Variants in KCNIP4 observed in about 807,000 individuals in gnomAD.
The protein encoded by KCNIP4 is Kv channel-interacting protein 4.
KCNIP4 carries 12 observed loss-of-function variants against 34.0 expected under a neutral mutation model. That is an observed-to-expected ratio of 0.35 (90% CI 0.23 to 0.57). The LOEUF is 0.57. Ranked by LOEUF, KCNIP4 falls within the 20% of genes least tolerant of loss-of-function variation. The pLI is 0.83. For missense variants in KCNIP4, 238 were observed against 311.7 expected, an observed-to-expected ratio of 0.76 and a Z score of 1.78; for synonymous variants, 124 against 102.2, an observed-to-expected ratio of 1.21 and a Z score of -1.29.
At chr4:21,601,780 G>C (rs375415981) in intron 1 of KCNIP4, among the ~76,000 whole-genome samples, 19 of 152,014 alleles carry the variant, frequency 1.2e-4, no homozygotes, top group East Asian at 7.7e-4. Context: ...TCTGCTTTAG[G>C]AACTTTGCTC....
intron 1 of KCNIP4, among the ~76,000 whole-genome samples, chr4:21,473,478 TA>T: frequency 1.3e-5 from 2 of 152,290 alleles, no homozygotes; most frequent in African/African-American, 4.8e-5. Context: ...TTTCTGATGG[TA>T]AAAGAGTTTT....
chr4:21,343,353 TAAG>T (rs1260034707), intron 1 of KCNIP4, among the ~76,000 whole-genome samples: 4 of 151,774 alleles, frequency 2.6e-5, no homozygotes, highest in Non-Finnish European at 5.9e-5. Flanking sequence ...AGAAAAAAAA[TAAG>T]AAAAAGTGAG....
At chr4:21,007,739 G>C (rs918175457) in intron 1 of KCNIP4, among the ~76,000 whole-genome samples, 1 of 152,166 alleles carries the variant, frequency 6.6e-6, no homozygotes, top group African/African-American at 2.4e-5. Context: ...GAAAACAATG[G>C]CGCCAAAGGG....
At chr4:21,602,968 T>C (rs1389274140) in intron 1 of KCNIP4, among the ~76,000 whole-genome samples, 3 of 152,204 alleles carry the variant, frequency 2.0e-5, no homozygotes, top group African/African-American at 7.2e-5. Context: ...CCTATAAATG[T>C]TAAGTATTTG....
chr4:21,627,139 G>T (rs541637902), intron 1 of KCNIP4, among the ~76,000 whole-genome samples: 1 of 152,000 alleles, frequency 6.6e-6, no homozygotes, highest in Admixed American at 6.6e-5. Flanking sequence ...TGCAAAATTT[G>T]TGTGTAGATT....
At chr4:21,715,988 G>T (rs935966070) in intron 1 of KCNIP4, among the ~76,000 whole-genome samples, 5 of 152,232 alleles carry the variant, frequency 3.3e-5, no homozygotes, top group South Asian at 4.1e-4. Flanking sequence ...ATTTCTTCAA[G>T]ATCAACATTA....
At chr4:21,591,518 G>A (rs1406289304) in intron 1 of KCNIP4, among the ~76,000 whole-genome samples, 1 of 151,768 alleles carries the variant, frequency 6.6e-6, no homozygotes, top group Non-Finnish European at 1.5e-5. Flanking sequence ...GCAAATTTGT[G>A]GTGTCTAAAT....
At chr4:21,558,513 T>TAAATAAATAAATAAATAAATAA (rs1560515597) in intron 1 of KCNIP4, among the ~76,000 whole-genome samples, 2 of 151,418 alleles carry the variant, frequency 1.3e-5, no homozygotes, top group Non-Finnish European at 2.9e-5. Flanking sequence ...AATAAATAAA[T>TAAATAAATAAATAAATAAATAA]ATATAAATAA....
At chr4:21,375,983 C>A (rs538037859) in intron 1 of KCNIP4, among the ~76,000 whole-genome samples, 2 of 152,226 alleles carry the variant, frequency 1.3e-5, no homozygotes, top group East Asian at 1.9e-4. Flanking sequence ...AGAAACACAC[C>A]AGGAATCAAG....
At chr4:20,907,680 G>T (rs903449271) in intron 1 of KCNIP4, among the ~76,000 whole-genome samples, 2 of 152,076 alleles carry the variant, frequency 1.3e-5, no homozygotes, top group Admixed American at 6.6e-5. Flanking sequence ...ATTTACTTTG[G>T]TTTTTTGATT....
chr4:21,042,833 G>A (rs540483692), intron 1 of KCNIP4, among the ~76,000 whole-genome samples: 41 of 152,056 alleles, frequency 2.7e-4, no homozygotes, highest in Non-Finnish European at 5.0e-4. Flanking sequence ...GCAAAAGGAA[G>A]GTGAGAATGT....
At chr4:21,364,555 G>T (rs1290388617) in intron 1 of KCNIP4, among the ~76,000 whole-genome samples, 1 of 152,028 alleles carries the variant, frequency 6.6e-6, no homozygotes, top group East Asian at 1.9e-4. Flanking sequence ...AAGGACCTCA[G>T]TTAGGATAGT....
intron 1 of KCNIP4, among the ~76,000 whole-genome samples, chr4:21,129,865 T>G (rs928399694): frequency 6.7e-6 from 1 of 149,048 alleles, no homozygotes; most frequent in Non-Finnish European, 1.5e-5. Flanking sequence ...TGAGATAATG[T>G]AACCAGTGTT....
At chr4:20,757,908 T>C (rs545470236) in intron 4 of KCNIP4, among the ~76,000 whole-genome samples, 2 of 152,326 alleles carry the variant, frequency 1.3e-5, no homozygotes, top group East Asian at 1.9e-4. Flanking sequence ...ATGTCCTCTC[T>C]GTCCTGCAGC....
At chr4:21,576,677 T>C (rs1740760370) in intron 1 of KCNIP4, among the ~76,000 whole-genome samples, 1 of 152,156 alleles carries the variant, frequency 6.6e-6, no homozygotes. Flanking sequence ...GTAATTTAAA[T>C]TATTCCTTTT....
At chr4:21,525,423 A>T (rs1432554970) in intron 1 of KCNIP4, among the ~76,000 whole-genome samples, 2 of 152,144 alleles carry the variant, frequency 1.3e-5, no homozygotes, top group Non-Finnish European at 2.9e-5. Context: ...TATGAACTCA[A>T]ATGTGAAGAG....
chr4:21,698,804 A>G (rs1292261213), intron 1 of KCNIP4, among the ~76,000 whole-genome samples: 2 of 152,152 alleles, frequency 1.3e-5, no homozygotes, highest in Non-Finnish European at 2.9e-5. Flanking sequence ...TCCCAACAGT[A>G]CTACATAAGA....
At chr4:21,120,578 T>G (rs1164439809) in intron 1 of KCNIP4, among the ~76,000 whole-genome samples, 1 of 152,184 alleles carries the variant, frequency 6.6e-6, no homozygotes. Context: ...ACATCTTACG[T>G]GGTGACAGGT....
chr4:21,692,270 T>C (rs1577856201), intron 1 of KCNIP4, among the ~76,000 whole-genome samples: 1 of 152,222 alleles, frequency 6.6e-6, no homozygotes, highest in East Asian at 1.9e-4. Context: ...CAAATTTCTT[T>C]CTGAAATTAA....
Sources: gnomAD v4.1 joint callset for allele counts (sites outside exome capture counted in the v4.1 genomes callset) on GRCh38, gnomAD v4.1.1 for gene constraint, MANE v1.5 for transcripts, NCBI Gene and HGNC (gene_info 2026-07-23, HGNC 2026-07-21) for gene names.